Variants in SCFD2 observed in about 807,000 individuals in gnomAD.
The protein encoded by SCFD2 is sec1 family domain containing 2, also known as sec1 family domain-containing protein 2.
Under a neutral mutation model 58.9 loss-of-function variants are expected in SCFD2, and 54 were observed. The observed-to-expected ratio is 0.92, with a 90% confidence interval of 0.74 to 1.15. The LOEUF (loss-of-function observed/expected upper bound fraction) is 1.15. SCFD2 is among the 50% of genes most tolerant of loss of function. The probability of loss-of-function intolerance (pLI) is 0.00; values close to 1 mark genes in which losing one functional copy is unlikely to be tolerated. For synonymous variants in SCFD2, 321 were observed against 335.9 expected (o/e 0.96, Z 0.49); for missense variants, 805 against 836.6 (o/e 0.96, Z 0.47).
intron 4 of SCFD2, among the ~76,000 whole-genome samples, chr4:53,255,737 C>G (rs1180884914): frequency 5.3e-5 from 8 of 152,184 alleles, no homozygotes; most frequent in African/African-American, 1.9e-4. Context: ...CTACACCTCC[C>G]AGACGGGGTG....
At chr4:53,127,870 G>A (rs1577753399) in intron 5 of SCFD2, among the ~76,000 whole-genome samples, 1 of 151,780 alleles carries the variant, frequency 6.6e-6, no homozygotes, top group Non-Finnish European at 1.5e-5. Flanking sequence ...GAGAGGACAC[G>A]GTGGGTGTAG....
intron 4 of SCFD2, among the ~76,000 whole-genome samples, chr4:53,180,742 G>A (rs1727521315): frequency 6.6e-6 from 1 of 152,000 alleles, no homozygotes; most frequent in African/African-American, 2.4e-5. Flanking sequence ...CAACAAAATT[G>A]ATCAGACCGC....
intron 7 of SCFD2, among the ~76,000 whole-genome samples, chr4:52,888,494 T>C (rs1247551454): frequency 6.6e-6 from 1 of 152,234 alleles, no homozygotes; most frequent in African/African-American, 2.4e-5. Flanking sequence ...ATAGCAATGC[T>C]GCTTTTGTCC....
At chr4:53,019,768 G>T (rs888732882) in intron 5 of SCFD2, among the ~76,000 whole-genome samples, 2 of 152,102 alleles carry the variant, frequency 1.3e-5, no homozygotes, top group Non-Finnish European at 2.9e-5. Context: ...TTTTCCCAGT[G>T]GGTTCTCTGG....
At chr4:53,101,388 T>C (rs1238153667) in intron 5 of SCFD2, among the ~76,000 whole-genome samples, 1 of 152,200 alleles carries the variant, frequency 6.6e-6, no homozygotes, top group Non-Finnish European at 1.5e-5. Flanking sequence ...TAGTTGATCT[T>C]TTAAATTCTA....
At chr4:53,353,370 C>A (rs779534810) in intron 1 of SCFD2, among the ~76,000 whole-genome samples, 9 of 152,196 alleles carry the variant, frequency 5.9e-5, no homozygotes, top group African/African-American at 2.2e-4. Context: ...CTCATAAAGG[C>A]ATGCACGGAC....
chr4:53,362,317 A>G lies in SCFD2; in HGVS notation c.838+2787T>C, dbSNP rs75842955. Among the ~76,000 whole-genome samples, 1,472 of 152,278 alleles carry G rather than the reference A, an allele frequency of 9.7e-3. 27 individuals are homozygous for G. The highest frequency in any genetic ancestry group is 0.033 in the African/African-American group (1,391 of 41,548). On this transcript the variant is annotated intron_variant, in intron 1 of 8. Transcript: ENST00000401642. ...GGTAGCCAATGTTGTAAGAGGGGAG[A>G]TCAGGTATGGCCTTGAAAACAACAG...
At chr4:53,248,811 C>G (rs1420844001) in intron 4 of SCFD2, among the ~76,000 whole-genome samples, 1 of 152,172 alleles carries the variant, frequency 6.6e-6, no homozygotes, top group African/African-American at 2.4e-5. Flanking sequence ...CTGTACATCA[C>G]CATCATCAAA....
intron 3 of SCFD2, among the ~76,000 whole-genome samples, chr4:53,310,397 C>G (rs1243755532): frequency 6.6e-6 from 1 of 152,188 alleles, no homozygotes; most frequent in East Asian, 1.9e-4. Flanking sequence ...TGAAGTTCCT[C>G]AACCACAATC....
At chr4:53,258,573 T>TATATAC (rs1730730175) in intron 4 of SCFD2, among the ~76,000 whole-genome samples, 1 of 134,428 alleles carries the variant, frequency 7.4e-6, no homozygotes, top group African/African-American at 3.0e-5. Flanking sequence ...TATATATATA[T>TATATAC]ATATACACAC....
At chr4:53,240,264 C>T (rs1207542422) in intron 4 of SCFD2, among the ~76,000 whole-genome samples, 9 of 152,092 alleles carry the variant, frequency 5.9e-5, no homozygotes, top group African/African-American at 1.4e-4. Context: ...TATAATTGAT[C>T]GTAACACACA....
At chr4:53,295,995 T>C (rs1308041200) in intron 3 of SCFD2, among the ~76,000 whole-genome samples, 1 of 152,240 alleles carries the variant, frequency 6.6e-6, no homozygotes, top group South Asian at 2.1e-4. Flanking sequence ...GCTGGCTTGA[T>C]CATGGTGGAT....
At chr4:52,920,497 T>G (rs1435835770) in intron 6 of SCFD2, among the ~76,000 whole-genome samples, 1 of 152,134 alleles carries the variant, frequency 6.6e-6, no homozygotes, top group Non-Finnish European at 1.5e-5. Context: ...AAGCCATGGC[T>G]GACTCCCAAC....
At chr4:53,255,669 C>G (rs1191801601) in intron 4 of SCFD2, among the ~76,000 whole-genome samples, 2 of 152,346 alleles carry the variant, frequency 1.3e-5, no homozygotes, top group East Asian at 1.9e-4. Flanking sequence ...ACCTTTCCCC[C>G]GTTTCTATTC....
At chr4:52,904,598 G>A (rs902235175) in intron 7 of SCFD2, among the ~76,000 whole-genome samples, 30 of 152,158 alleles carry the variant, frequency 2.0e-4, no homozygotes, top group African/African-American at 7.2e-4. Flanking sequence ...CACTCACACT[G>A]GCTGTCTTGA....
chr4:53,022,237 C>A (rs577847062), intron 5 of SCFD2, among the ~76,000 whole-genome samples: 5 of 152,118 alleles, frequency 3.3e-5, no homozygotes, highest in Non-Finnish European at 7.4e-5. Context: ...ATGTTATTTT[C>A]TCTTACTGGG....
intron 2 of SCFD2, among the ~76,000 whole-genome samples, chr4:53,322,745 C>G (rs1733064027): frequency 6.6e-6 from 1 of 152,198 alleles, no homozygotes; most frequent in Non-Finnish European, 1.5e-5. Flanking sequence ...CCACATTTTT[C>G]TGACTCTAAA....
chr4:53,075,032 G>C (rs1291985927), intron 5 of SCFD2, among the ~76,000 whole-genome samples: 1 of 152,096 alleles, frequency 6.6e-6, no homozygotes, highest in Non-Finnish European at 1.5e-5. Context: ...ATAGAAAGCT[G>C]TATCATCTAC....
intron 8 of SCFD2, among the ~76,000 whole-genome samples, chr4:52,879,019 G>A (rs555881263): frequency 6.6e-6 from 1 of 152,036 alleles, no homozygotes; most frequent in African/African-American, 2.4e-5. Context: ...CTTTTTGGGG[G>A]TTGTTTTTGT....
Sources: allele counts gnomAD v4.1 joint callset (sites outside exome capture counted in the v4.1 genomes callset), GRCh38; gene constraint gnomAD v4.1.1; transcripts MANE v1.5; gene names NCBI Gene and HGNC (gene_info 2026-07-23, HGNC 2026-07-21).